The following COL27A1 variants were observed in gnomAD, a reference collection of about 807,000 sequenced individuals.
COL27A1 encodes the protein collagen type XXVII alpha 1 chain.
A neutral mutation model predicts 251.3 loss-of-function variants in COL27A1; 106 were observed. The ratio of observed to expected loss-of-function variants is 0.42; its 90% CI spans 0.36 to 0.50. The LOEUF (loss-of-function observed/expected upper bound fraction) is 0.50, where lower values mean the gene tolerates loss of function less well. Among genes scored for constraint, COL27A1 ranks in the 20% least tolerant of loss-of-function variants. The probability of loss-of-function intolerance (pLI) is 0.00; values close to 1 mark genes in which losing one functional copy is unlikely to be tolerated. For synonymous variants in COL27A1, 1,000 were observed against 986.3 expected (o/e 1.01, Z -0.26); for missense variants, 2,325 against 2,522.8 (o/e 0.92, Z 1.68).
intron 33 of COL27A1, 134 bp downstream of exon 33, chr9:114,266,752 T>C: frequency 1.3e-6 from 1 of 773,844 alleles, no homozygotes; most frequent in African/African-American, 1.7e-5. Flanking sequence ...ACCGTGTAGT[T>C]CAGAGAAGGG....
At chr9:114,183,191 G>A (rs545024748) in intron 5 of COL27A1, 116 bp downstream of exon 5, 26 of 992,374 alleles carry the variant, frequency 2.6e-5, no homozygotes, top group Non-Finnish European at 3.9e-5. Flanking sequence ...GGGGATTCCC[G>A]CCTAAGCCAG....
chr9:114,160,736 C>T (rs898291553), intron 1 of COL27A1, among the ~76,000 whole-genome samples: 7 of 151,430 alleles, frequency 4.6e-5, no homozygotes, highest in East Asian at 1.9e-4. Flanking sequence ...TTAGAGACTT[C>T]GTCTAGACAG....
chr9:114,187,875 G>A (rs140033817), intron 5 of COL27A1, among the ~76,000 whole-genome samples: 1 of 152,146 alleles, frequency 6.6e-6, no homozygotes, highest in Non-Finnish European at 1.5e-5. Context: ...GTATGTAAAT[G>A]TTAGAATATC....
chr9:114,283,335 T>C (rs1836048379), intron 39 of COL27A1, among the ~76,000 whole-genome samples: 1 of 152,208 alleles, frequency 6.6e-6, no homozygotes, highest in Non-Finnish European at 1.5e-5. Context: ...GAAAATGTAG[T>C]AAAATGGCTA....
chr9:114,289,114 C>A, intron 44 of COL27A1, 128 bp from the exon 45 acceptor site: 1 of 1,379,926 alleles, frequency 7.2e-7, no homozygotes, highest in East Asian at 2.5e-5. Context: ...CTGCCCTGAC[C>A]CTGGGGATGC....
At chr9:114,307,982 C>T (rs573008279) in intron 59 of COL27A1, among the ~76,000 whole-genome samples, 4 of 152,278 alleles carry the variant, frequency 2.6e-5, no homozygotes, top group African/African-American at 4.8e-5. Context: ...CAAACCCTTT[C>T]GAGTCATATG....
chr9:114,169,583 T>C (rs1222269779), intron 3 of COL27A1, 120 bp downstream of exon 3: 2 of 766,006 alleles, frequency 2.6e-6, no homozygotes, highest in African/African-American at 1.7e-5. Flanking sequence ...GAGCTGGTTA[T>C]GGGTACATCC....
chr9:114,189,374 GTTTA>G lies in COL27A1; in HGVS notation c.2017-5022_2017-5019del, dbSNP rs1279382048. On this transcript the variant is annotated intron_variant, in intron 5 of 60. Transcript: ENST00000356083. ...ACAAGCCATTGTATTATGTTTCATT[GTTTA>G]TTTATTTTTATGCTAGTAAAATACC... Among the ~76,000 whole-genome samples, 9 of 152,132 alleles carry G rather than the reference GTTTA, an allele frequency of 5.9e-5. No homozygotes were observed. In the Middle Eastern group the frequency reaches 0.01, roughly 172 times the overall value.
intron 16 of COL27A1, among the ~76,000 whole-genome samples, chr9:114,234,321 T>A (rs1014818366): frequency 9.2e-5 from 14 of 152,266 alleles, no homozygotes; most frequent in East Asian, 3.9e-4. Context: ...ATTTTTTTTT[T>A]AATTCTGACT....
At chr9:114,256,559 G>A (rs530128276) in intron 27 of COL27A1, among the ~76,000 whole-genome samples, 32 of 152,036 alleles carry the variant, frequency 2.1e-4, no homozygotes, top group Non-Finnish European at 3.5e-4. Context: ...GCCTAGGGTC[G>A]CCCTGGGACC....
intron 15 of COL27A1, 88 bp from the exon 16 acceptor site, chr9:114,231,722 ATCTAGCACGGGG>A (rs1303444570): frequency 1.7e-6 from 2 of 1,181,652 alleles, no homozygotes; most frequent in African/African-American, 3.0e-5. Context: ...AGGTTGGGGG[ATCTAGCACGGGG>A]TCTTGCAGCA....
chr9:114,286,632 C>A (rs1218368892), intron 41 of COL27A1, among the ~76,000 whole-genome samples: 1 of 152,134 alleles, frequency 6.6e-6, no homozygotes, highest in Admixed American at 6.5e-5. Flanking sequence ...AAATGATATA[C>A]CTAATGCTAA....
At chr9:114,232,852 C>T (rs1832067086) in intron 16 of COL27A1, among the ~76,000 whole-genome samples, 1 of 152,222 alleles carries the variant, frequency 6.6e-6, no homozygotes, top group Non-Finnish European at 1.5e-5. Context: ...GCGGGCGGAT[C>T]ATAAGGTCAG....
chr9:114,177,261 C>T (rs1320204716), intron 3 of COL27A1, among the ~76,000 whole-genome samples: 7 of 152,202 alleles, frequency 4.6e-5, no homozygotes, highest in African/African-American at 7.2e-5. Flanking sequence ...TAAGTCTGCT[C>T]GGCTGCCTCC....
chr9:114,261,520 T>A (rs1416336208), intron 28 of COL27A1, among the ~76,000 whole-genome samples: 2 of 152,198 alleles, frequency 1.3e-5, no homozygotes, highest in Non-Finnish European at 2.9e-5. Context: ...GGAGACAGGG[T>A]GGCTGGTGGC....
At position 114,243,554 on chromosome 9, in the gene COL27A1, C is replaced by T. The variant is rs149117643; in HGVS notation, c.2928C>T (p.Gly976=). ...KGFPGRPGLD[G]VKGEPGDPGR... The stretch of plus-strand genomic sequence containing the variant: ...TTCCTGGGAGGCCCGGCCTGGATGG[C>T]GTGAAGGTGAGGGGACCTGGAGATC... The change falls in exon 23 of 61, where the codon GGC becomes GGT. Residue 976 remains glycine, a synonymous_variant. Coordinates refer to ENST00000356083, the MANE Select transcript of COL27A1 (RefSeq NM_032888.4). 7.9e-5 allele frequency: 128 copies of T among 1,612,896 alleles called. No homozygotes were observed. Among genetic ancestry groups the T allele is most frequent in the Admixed American group, 1.8e-4 (11 of 59,940 alleles).
chr9:114,301,169 C>T lies in COL27A1; in HGVS notation c.4755+44C>T, dbSNP rs770287726. On this transcript the variant is annotated intron_variant, in intron 52 of 60. Transcript: ENST00000356083. ...CAGGAAGACTCCGGGGTCCCCTTGC[C>T]TTCCTGGCTCCAGATTGTCTCTGTG... 25 of 1,612,626 alleles carry T rather than the reference C, an allele frequency of 1.6e-5. No homozygotes were observed. The South Asian group carries it at 2.7e-4, about 18-fold the overall frequency.
intron 5 of COL27A1, among the ~76,000 whole-genome samples, chr9:114,185,808 G>A (rs1828297103): frequency 6.6e-6 from 1 of 152,266 alleles, no homozygotes; most frequent in Non-Finnish European, 1.5e-5. Context: ...GGCTTGCCCT[G>A]GGGGCACGGA....
intron 4 of COL27A1, among the ~76,000 whole-genome samples, chr9:114,179,521 G>T (rs1447953621): frequency 6.6e-6 from 1 of 152,168 alleles, no homozygotes; most frequent in Admixed American, 6.5e-5. Flanking sequence ...ATGTCTAAGA[G>T]CAAATGCCAC....
Sources: allele counts gnomAD v4.1 joint callset (sites outside exome capture counted in the v4.1 genomes callset), GRCh38; gene constraint gnomAD v4.1.1; transcripts MANE v1.5; gene names NCBI Gene and HGNC (gene_info 2026-07-23, HGNC 2026-07-21).